HECW1: variants seen among roughly 807,000 people sequenced by gnomAD.
HECW1 encodes E3 ubiquitin-protein ligase HECW1.
In HECW1, 61 loss-of-function variants were observed where a neutral mutation model predicts 182.3. The ratio of observed to expected loss-of-function variants is 0.33; its 90% CI spans 0.27 to 0.41. The LOEUF (loss-of-function observed/expected upper bound fraction) is 0.41, where lower values mean the gene tolerates loss of function less well. Ranked by LOEUF, HECW1 falls within the 10% of genes least tolerant of loss-of-function variation. The probability of loss-of-function intolerance (pLI) is 1.00; values close to 1 mark genes in which losing one functional copy is unlikely to be tolerated. For missense variants in HECW1, 1,739 were observed against 2,108.9 expected (o/e 0.82, Z 3.44); for synonymous variants, 859 against 832.6 (o/e 1.03, Z -0.55).
chr7:43,369,702 G>A (rs1335623557), intron 6 of HECW1, among the ~76,000 whole-genome samples: 4 of 144,410 alleles, frequency 2.8e-5, no homozygotes, highest in South Asian at 2.3e-4. Context: ...AAAAGAGGAC[G>A]TGAAAATTAA....
At chr7:43,522,317 G>C (rs1028677667) in intron 24 of HECW1, 1 of 152,030 alleles carries the variant, frequency 6.6e-6, no homozygotes, top group African/African-American at 2.4e-5. Context: ...GTAATGACCA[G>C]GTGAGTCTCG....
chr7:43,368,821 G>A (rs138699890), intron 6 of HECW1, among the ~76,000 whole-genome samples: 217 of 152,250 alleles, frequency 1.4e-3, no homozygotes, highest in African/African-American at 5.0e-3. Context: ...TTCCTGTCTG[G>A]ACTCTAAGAA....
At chr7:43,158,377 T>A (rs1218841461) in intron 2 of HECW1, among the ~76,000 whole-genome samples, 1 of 152,102 alleles carries the variant, frequency 6.6e-6, no homozygotes, top group Admixed American at 6.5e-5. Flanking sequence ...TGTAGAACTT[T>A]TAGAAAACAT....
intron 7 of HECW1, among the ~76,000 whole-genome samples, chr7:43,400,692 T>C (rs896074185): frequency 6.6e-6 from 1 of 152,106 alleles, no homozygotes; most frequent in African/African-American, 2.4e-5. Context: ...CTTGCAAAAA[T>C]AGAAACTTAG....
chr7:43,276,492 G>A (rs1228100904), intron 3 of HECW1, among the ~76,000 whole-genome samples: 2 of 152,104 alleles, frequency 1.3e-5, no homozygotes. Flanking sequence ...TAAAATGCAG[G>A]TAGAAATTCA....
intron 17 of HECW1, among the ~76,000 whole-genome samples, chr7:43,481,906 C>T (rs911340139): frequency 7.9e-6 from 1 of 125,826 alleles, no homozygotes; most frequent in African/African-American, 2.8e-5. Flanking sequence ...ACCCGGGAGG[C>T]AGAGCTTGCA....
intron 24 of HECW1, among the ~76,000 whole-genome samples, chr7:43,515,350 A>G (rs2080093747): frequency 6.6e-6 from 1 of 152,184 alleles, no homozygotes. Context: ...TTAAACTCAG[A>G]AAGTCAACTC....
intron 17 of HECW1, among the ~76,000 whole-genome samples, chr7:43,491,784 G>C (rs1222633544): frequency 1.3e-5 from 2 of 152,046 alleles, no homozygotes; most frequent in East Asian, 3.9e-4. Context: ...GTAGAGATGG[G>C]GTTTCACTAT....
chr7:43,527,802 A>G (rs1010513259), intron 24 of HECW1, among the ~76,000 whole-genome samples: 6 of 152,150 alleles, frequency 3.9e-5, no homozygotes, highest in African/African-American at 1.2e-4. Flanking sequence ...AAATTCACCA[A>G]TCTTTCCAAA....
At chr7:43,152,430 C>T (rs1789438017) in intron 2 of HECW1, among the ~76,000 whole-genome samples, 1 of 152,116 alleles carries the variant, frequency 6.6e-6, no homozygotes, top group African/African-American at 2.4e-5. Context: ...CAATCCAGAA[C>T]TAAAGTTTCA....
chr7:43,293,613 G>A (rs761392208), intron 3 of HECW1, among the ~76,000 whole-genome samples: 2 of 152,172 alleles, frequency 1.3e-5, no homozygotes, highest in African/African-American at 2.4e-5. Context: ...CAAATAATGC[G>A]CCATTTCTTG....
Position 43,311,631 on chromosome 7 carries a change from G to C in HECW1, c.28-132G>C, listed in dbSNP as rs1808521481. 7 of 849,446 alleles carry C rather than the reference G, an allele frequency of 8.2e-6. No individual in the cohort carries two copies. The Admixed American group carries it at 1.2e-4, about 14-fold the overall frequency. 52.6% of individuals were successfully genotyped at this position (849,446 alleles called of 1,614,324 possible). The stretch of plus-strand genomic sequence containing the variant: ...TCACGAGGAAGATGCTCTATGCCAT[G>C]TTTCATATCTGCCCAGCAGGGCAGC... On this transcript the variant is annotated intron_variant, in intron 3 of 29. Transcript: ENST00000395891.
intron 2 of HECW1, among the ~76,000 whole-genome samples, chr7:43,239,658 A>G (rs1226498838): frequency 6.6e-6 from 1 of 152,260 alleles, no homozygotes; most frequent in Non-Finnish European, 1.5e-5. Context: ...AATAATTGAC[A>G]GTCACAATGA....
chr7:43,349,528 T>A (rs1814126745), intron 5 of HECW1, among the ~76,000 whole-genome samples: 1 of 152,228 alleles, frequency 6.6e-6, no homozygotes, highest in Non-Finnish European at 1.5e-5. Flanking sequence ...TTTTATAAAT[T>A]TGGGAGCTCC....
chr7:43,506,657 C>T (rs2079586243), intron 21 of HECW1, among the ~76,000 whole-genome samples: 1 of 152,216 alleles, frequency 6.6e-6, no homozygotes, highest in African/African-American at 2.4e-5. Flanking sequence ...TTGATGACCT[C>T]ATGCCTGTAC....
At position 43,562,806 on chromosome 7, in the gene HECW1, A is replaced by C. The variant is rs571421201; in HGVS notation, c.*880A>C. On this transcript the variant is annotated 3_prime_UTR_variant, in exon 30 of 30. Coordinates refer to ENST00000395891, the MANE Select transcript of HECW1 (RefSeq NM_015052.5). ...TCTTATGTAGAATGTGGCAATGCCA[A>C]CTGGAGAAAGGGAAGAAGGACATAT... 4.6e-6 allele frequency: 1 copy of C among 216,496 alleles called. No individual in the cohort carries two copies. Among genetic ancestry groups the C allele is most frequent in the Admixed American group, 5.8e-5 (1 of 17,158 alleles). 13.4% of individuals were successfully genotyped at this position (216,496 alleles called of 1,614,324 possible). A position where few individuals can be genotyped will look rare whatever the true frequency, so the allele number is the denominator to read the frequency against.
chr7:43,472,805 G>T (rs765808261), intron 16 of HECW1, among the ~76,000 whole-genome samples: 58 of 152,016 alleles, frequency 3.8e-4, no homozygotes, highest in Non-Finnish European at 2.1e-4. Context: ...ACCTACAAAA[G>T]ATTAAAAATC....
At chr7:43,332,336 T>A (rs1451271695) in intron 5 of HECW1, among the ~76,000 whole-genome samples, 4 of 152,110 alleles carry the variant, frequency 2.6e-5, no homozygotes, top group African/African-American at 9.7e-5. Flanking sequence ...TCTAAAGACT[T>A]CAACAACCCA....
chr7:43,499,413 G>A (rs2079246651), intron 19 of HECW1, among the ~76,000 whole-genome samples: 1 of 151,856 alleles, frequency 6.6e-6, no homozygotes, highest in Non-Finnish European at 1.5e-5. Context: ...AGGTTGCAGT[G>A]AGCTGAGATT....
Sources: allele counts gnomAD v4.1 joint callset (sites outside exome capture counted in the v4.1 genomes callset), GRCh38; gene constraint gnomAD v4.1.1; transcripts MANE v1.5; gene names NCBI Gene and HGNC (gene_info 2026-07-23, HGNC 2026-07-21).